Variants in CMTM8 observed in about 807,000 individuals in gnomAD.
CMTM8 encodes the protein CKLF like MARVEL transmembrane domain containing 8.
In CMTM8, 12 loss-of-function variants were observed where a neutral mutation model predicts 18.6. That is an observed-to-expected ratio of 0.65 (90% CI 0.41 to 1.05). The LOEUF is 1.05. Among genes scored for constraint, CMTM8 ranks in the 50% least tolerant of loss-of-function variants. The pLI, the probability that CMTM8 is intolerant of heterozygous loss-of-function variation, is 0.00. For synonymous variants in CMTM8, 87 were observed against 90.6 expected, an observed-to-expected ratio of 0.96 and a Z score of 0.23; for missense variants, 217 against 227.2, an observed-to-expected ratio of 0.95 and a Z score of 0.29.
chr3:32,357,713 G>A (rs755832526), intron 2 of CMTM8, among the ~76,000 whole-genome samples, 167 bp downstream of exon 2: 7 of 152,212 alleles, frequency 4.6e-5, no homozygotes, highest in Non-Finnish European at 1.0e-4. Context: ...CCTTTCAAGT[G>A]GCTTACACCT....
At chr3:32,240,372 T>C (rs1701931869) in intron 1 of CMTM8, among the ~76,000 whole-genome samples, 1 of 152,192 alleles carries the variant, frequency 6.6e-6, no homozygotes, top group Non-Finnish European at 1.5e-5. Context: ...GCTGAAGGTA[T>C]TGGAATCGCC....
At position 32,266,373 on chromosome 3, in the gene CMTM8, A is replaced by G. The variant is rs560686629; in HGVS notation, c.147+27254A>G. Among the ~76,000 whole-genome samples the G allele has an allele frequency of 8.1e-4, 124 of 152,344 alleles. 1 individual carries two copies. The highest frequency in any genetic ancestry group is 2.9e-3 in the African/African-American group (119 of 41,574). Reference sequence around the variant, plus strand: ...AAAAACCACATGATTATCTCAATAGATGCAGAAAAGGCCTTTGACAAAATT... The same window carrying G: ...AAAAACCACATGATTATCTCAATAGGTGCAGAAAAGGCCTTTGACAAAATT... On this transcript the variant is annotated intron_variant, in intron 1 of 3. Transcript: ENST00000307526.
intron 1 of CMTM8, among the ~76,000 whole-genome samples, chr3:32,324,064 T>A (rs1696110539): frequency 6.6e-6 from 1 of 152,198 alleles, no homozygotes; most frequent in Non-Finnish European, 1.5e-5. Context: ...ATGGTAAACT[T>A]TGATATGCCA....
chr3:32,311,139 C>G (rs1695812801), intron 1 of CMTM8, among the ~76,000 whole-genome samples: 1 of 152,224 alleles, frequency 6.6e-6, no homozygotes, highest in Non-Finnish European at 1.5e-5. Context: ...GCCTACAGGC[C>G]AGACCCAGCC....
chr3:32,256,231 T>G (rs1702172838), intron 1 of CMTM8, among the ~76,000 whole-genome samples: 2 of 36,308 alleles, frequency 5.5e-5, no homozygotes, highest in South Asian at 3.1e-3. Flanking sequence ...CAAGCCTGGA[T>G]AATTTTTTTT....
intron 1 of CMTM8, among the ~76,000 whole-genome samples, chr3:32,247,061 G>A (rs1464895195): frequency 3.3e-5 from 5 of 151,996 alleles, no homozygotes; most frequent in Non-Finnish European, 7.4e-5. Flanking sequence ...AGATTGCACC[G>A]CTGCACTCTA....
chr3:32,247,645 G>A (rs1361868167), intron 1 of CMTM8, among the ~76,000 whole-genome samples: 2 of 152,128 alleles, frequency 1.3e-5, no homozygotes, highest in Non-Finnish European at 2.9e-5. Flanking sequence ...ATTTTTAGTA[G>A]AGATGAGGTT....
chr3:32,354,167 T>TA (rs35976623), intron 1 of CMTM8, among the ~76,000 whole-genome samples: 28,171 of 149,202 alleles, frequency 0.19, 2,740 homozygotes, highest in East Asian at 0.24. Context: ...AGTCTTAGCC[T>TA]AAAAAAAAAA....
chr3:32,267,175 G>A (rs997120458), intron 1 of CMTM8, among the ~76,000 whole-genome samples: 2 of 152,160 alleles, frequency 1.3e-5, no homozygotes, highest in Non-Finnish European at 2.9e-5. Flanking sequence ...AAAGCTGGAG[G>A]CATCACACTA....
chr3:32,244,838 G>T (rs1368814459), intron 1 of CMTM8, among the ~76,000 whole-genome samples: 1 of 152,158 alleles, frequency 6.6e-6, no homozygotes, highest in African/African-American at 2.4e-5. Flanking sequence ...AGGTAGAATT[G>T]TTGGGCTAAA....
rs1695757806 is a variant in CMTM8, at chr3:32,308,503, T to A, written c.148-48870T>A. The stretch of plus-strand genomic sequence containing the variant: ...GCTACTTGGATGGGACAGTGGAGAG[T>A]GCACTAGAGTTGGAAAGGGCACTGG... On this transcript the variant is annotated intron_variant, in intron 1 of 3. Transcript: ENST00000307526. 2.0e-5 allele frequency among the ~76,000 whole-genome samples: 3 copies of A among 152,032 alleles called. No homozygotes were observed. The South Asian group carries it at 6.3e-4, about 32-fold the overall frequency.
chr3:32,361,172 G>A (rs1696917170), intron 2 of CMTM8, among the ~76,000 whole-genome samples: 1 of 152,038 alleles, frequency 6.6e-6, no homozygotes, highest in African/African-American at 2.4e-5. Flanking sequence ...GTAGAGACAG[G>A]GTTTCTCCAT....
Position 32,322,490 on chromosome 3 carries a change from T to C in CMTM8, c.148-34883T>C, listed in dbSNP as rs150677888. Among the ~76,000 whole-genome samples the C allele has an allele frequency of 8.5e-5, 13 of 152,352 alleles. 1 individual carries two copies. In the South Asian group the frequency reaches 1.4e-3, roughly 17 times the overall value. Reference sequence around the variant, plus strand: ...TCTCCTCATGGACTGATAACCTAAGTAGCTTCCTGGCTGGCCTGCTTCTCA... The same window carrying C: ...TCTCCTCATGGACTGATAACCTAAGCAGCTTCCTGGCTGGCCTGCTTCTCA... On this transcript the variant is annotated intron_variant, in intron 1 of 3. Coordinates refer to ENST00000307526, the MANE Select transcript of CMTM8 (RefSeq NM_178868.5).
At chr3:32,268,877 A>T (rs28623416) in intron 1 of CMTM8, among the ~76,000 whole-genome samples, 3 of 152,194 alleles carry the variant, frequency 2.0e-5, no homozygotes, top group African/African-American at 7.2e-5. Flanking sequence ...CCTTTCCTTC[A>T]TCTATTCAAA....
At chr3:32,357,048 G>A (rs1205962888) in intron 1 of CMTM8, among the ~76,000 whole-genome samples, 1 of 152,074 alleles carries the variant, frequency 6.6e-6, no homozygotes, top group Non-Finnish European at 1.5e-5. Context: ...ATATTTTTAA[G>A]TCATGGCAGG....
chr3:32,264,890 C>G, intron 1 of CMTM8, among the ~76,000 whole-genome samples: 1 of 152,190 alleles, frequency 6.6e-6, no homozygotes, highest in East Asian at 1.9e-4. Flanking sequence ...ATCAATTCAA[C>G]AAGAAGAGCT....
intron 1 of CMTM8, among the ~76,000 whole-genome samples, chr3:32,319,074 A>ATATATATGTATTTTTT: frequency 1.3e-4 from 4 of 31,530 alleles, no homozygotes; most frequent in Non-Finnish European, 2.0e-4. Flanking sequence ...ATATATATAT[A>ATATATATGTATTTTTT]TTTTTTTTTT....
chr3:32,341,037 G>A (rs1696481473), intron 1 of CMTM8, among the ~76,000 whole-genome samples: 1 of 152,374 alleles, frequency 6.6e-6, no homozygotes, highest in East Asian at 1.9e-4. Flanking sequence ...TAACTTAGAT[G>A]TTTAAGCCAT....
chr3:32,301,106 T>C lies in CMTM8; in HGVS notation c.148-56267T>C, dbSNP rs186597139. On this transcript the variant is annotated intron_variant, in intron 1 of 3. Transcript: ENST00000307526. Reference sequence around the variant, plus strand: ...CAGTTAAGATGGGAAGGATTTCTTATGGCAGAAAAGGAGCATCAGGGGTAC... The same window carrying C: ...CAGTTAAGATGGGAAGGATTTCTTACGGCAGAAAAGGAGCATCAGGGGTAC... 1.6e-4 allele frequency among the ~76,000 whole-genome samples: 25 copies of C among 152,358 alleles called. No individual in the cohort carries two copies. The East Asian group carries it at 4.8e-3, about 29-fold the overall frequency.
Sources: allele counts gnomAD v4.1 joint callset (sites outside exome capture counted in the v4.1 genomes callset), GRCh38; gene constraint gnomAD v4.1.1; transcripts MANE v1.5; gene names NCBI Gene and HGNC (gene_info 2026-07-23, HGNC 2026-07-21).